DCTN5: variants seen among roughly 807,000 people sequenced by gnomAD.
The protein encoded by DCTN5 is dynactin 4.
A neutral mutation model predicts 23.5 loss-of-function variants in DCTN5; 14 were observed. The ratio of observed to expected loss-of-function variants is 0.60; its 90% CI spans 0.39 to 0.93. DCTN5 has a LOEUF of 0.93. DCTN5 is among the 40% of genes least tolerant of loss of function. The pLI, the probability that DCTN5 is intolerant of heterozygous loss-of-function variation, is 0.00. For missense variants in DCTN5, 156 were observed against 225.9 expected (o/e 0.69, Z 1.98); for synonymous variants, 67 against 79.6 (o/e 0.84, Z 0.84).
At position 23,658,511 on chromosome 16, in the gene DCTN5, T is replaced by C; in HGVS notation, c.122T>C (p.Ile41Thr). The C allele has an allele frequency of 6.2e-7, 1 of 1,612,774 alleles. No homozygotes were observed. Among genetic ancestry groups the C allele is most frequent in the Non-Finnish European group, 8.5e-7 (1 of 1,178,722 alleles). ...SQNIVLNGKTIVMNDCIIRGD... is the reference protein window; with the variant it reads ...SQNIVLNGKTTVMNDCIIRGD... ...AAAATTTGCTTCGTCTTACAGACCATTGTGATGAATGACTGTATTATCCGA... is the reference window on the plus strand; with the variant it reads ...AAAATTTGCTTCGTCTTACAGACCACTGTGATGAATGACTGTATTATCCGA... Residue 41 changes from isoleucine (I) to threonine (T), a missense_variant, in exon 3 of 6, where the codon ATT (isoleucine) becomes ACT (threonine). Physicochemically the swap from Ile to Thr is moderately conservative, Grantham distance 89. This residue lies in a region of DCTN5 where 153 missense variants were observed against 206.8 expected (regional missense o/e 0.74). Transcript: ENST00000300087.
intron 2 of DCTN5, among the ~76,000 whole-genome samples, chr16:23,646,301 C>G (rs761851768): frequency 6.6e-6 from 1 of 152,034 alleles, no homozygotes; most frequent in Non-Finnish European, 1.5e-5. Context: ...TTATTGAGTT[C>G]TAGGAGTTCT....
chr16:23,666,998 T>G, intron 5 of DCTN5, 49 bp from the exon 6 acceptor site: 1 of 1,610,624 alleles, frequency 6.2e-7, no homozygotes, highest in South Asian at 1.1e-5. Flanking sequence ...ATATCTTAAC[T>G]TCTTGTAACT....
chr16:23,655,257 A>G (rs907490317), intron 2 of DCTN5, among the ~76,000 whole-genome samples: 1 of 152,216 alleles, frequency 6.6e-6, no homozygotes, highest in African/African-American at 2.4e-5. Context: ...AAACTCATTT[A>G]CCAGCTTCCA....
chr16:23,666,898 A>C, intron 5 of DCTN5, 149 bp from the exon 6 acceptor site: 2 of 1,289,340 alleles, frequency 1.6e-6, no homozygotes, highest in Non-Finnish European at 2.1e-6. Flanking sequence ...AGCTGTTCTT[A>C]GCAAGCACTG....
intron 2 of DCTN5, among the ~76,000 whole-genome samples, chr16:23,654,591 G>A (rs1967665640): frequency 6.6e-6 from 1 of 152,118 alleles, no homozygotes; most frequent in Non-Finnish European, 1.5e-5. Context: ...ACCTGCATAT[G>A]TACCCCTGAA....
At chr16:23,642,879 A>G in intron 1 of DCTN5, 76 bp from the exon 2 acceptor site, 1 of 1,295,646 alleles carries the variant, frequency 7.7e-7, no homozygotes, top group Admixed American at 1.7e-5. Context: ...CTCAAATGGG[A>G]GCTTTCTTGA....
At chr16:23,651,906 G>C (rs760124876) in intron 2 of DCTN5, among the ~76,000 whole-genome samples, 3 of 152,126 alleles carry the variant, frequency 2.0e-5, no homozygotes, top group Non-Finnish European at 1.5e-5. Context: ...GTGATGGCAT[G>C]CGCCTGTAAT....
intron 2 of DCTN5, chr16:23,651,028 A>T: frequency 7.2e-7 from 1 of 1,397,430 alleles, no homozygotes. Context: ...ATGTTCCACT[A>T]CTCAAATAGT....
chr16:23,644,555 CT>C (rs1197965478), intron 2 of DCTN5, among the ~76,000 whole-genome samples: 6 of 151,778 alleles, frequency 4.0e-5, no homozygotes, highest in African/African-American at 1.5e-4. Flanking sequence ...CTGCCTTGTC[CT>C]CCGAAAGTGC....
chr16:23,657,666 A>G (rs1967733411), intron 2 of DCTN5: 5 of 234,244 alleles, frequency 2.1e-5, no homozygotes, highest in South Asian at 1.8e-4. Context: ...CTGGTCTTGA[A>G]CTCGACCTCA....
intron 2 of DCTN5, among the ~76,000 whole-genome samples, chr16:23,654,155 C>G (rs1365212153): frequency 6.6e-6 from 1 of 152,140 alleles, no homozygotes; most frequent in Admixed American, 6.5e-5. Context: ...ACCATTTGAC[C>G]CAGCAATCCC....
chr16:23,646,184 A>G (rs1255507790), intron 2 of DCTN5, among the ~76,000 whole-genome samples: 1 of 152,116 alleles, frequency 6.6e-6, no homozygotes, highest in Non-Finnish European at 1.5e-5. Context: ...CTTAATGACT[A>G]ATGATATTGA....
Position 23,671,972 on chromosome 16 carries a change from T to G in DCTN5, c.*4828T>G, listed in dbSNP as rs986386958. The G allele has an allele frequency of 2.0e-5, 3 of 152,158 alleles. No individual in the cohort carries two copies. Among genetic ancestry groups the G allele is most frequent in the African/African-American group, 4.8e-5 (2 of 41,402 alleles). 9.4% of individuals were successfully genotyped at this position (152,158 alleles called of 1,614,324 possible). On this transcript the variant is annotated 3_prime_UTR_variant, in exon 6 of 6. Coordinates refer to ENST00000300087, the MANE Select transcript of DCTN5 (RefSeq NM_032486.4). ...CACACCCACTCTGGCTTTCATACCA[T>G]GGGTCTGAACATTAGCCCATGGTGT...
At chr16:23,650,675 C>T (rs779208633) in intron 2 of DCTN5, 172 of 1,321,914 alleles carry the variant, frequency 1.3e-4, no homozygotes, top group Non-Finnish European at 1.8e-4. Context: ...TATCCACCCT[C>T]CTCTTGGTGG....
intron 3 of DCTN5, among the ~76,000 whole-genome samples, chr16:23,660,179 A>G (rs1343068740): frequency 2.0e-5 from 3 of 152,246 alleles, no homozygotes; most frequent in Non-Finnish European, 2.9e-5. Context: ...CAAGAGGTAC[A>G]GACCAAAAAT....
chr16:23,666,638 T>A (rs142385530), intron 5 of DCTN5: 80 of 227,072 alleles, frequency 3.5e-4, no homozygotes, highest in African/African-American at 1.7e-3. Flanking sequence ...GAAAATAATA[T>A]GAACAGAGAG....
In DCTN5 at chr16:23,668,696, T is replaced by C. The variant is rs183134282; in HGVS notation, c.*1552T>C. 6.6e-6 allele frequency: 1 copy of C among 152,364 alleles called. No homozygotes were observed. Among genetic ancestry groups the C allele is most frequent in the Non-Finnish European group, 1.5e-5 (1 of 68,042 alleles). 9.4% of individuals were successfully genotyped at this position (152,364 alleles called of 1,614,324 possible). On this transcript the variant is annotated 3_prime_UTR_variant, in exon 6 of 6. Transcript: ENST00000300087. ...ACAAGCAGACTCAACCAGGCCTCTT[T>C]GTTGGCTTCCTTTCCTCCTGCTGCA...
At chr16:23,666,882 A>G in intron 5 of DCTN5, 165 bp from the exon 6 acceptor site, 3 of 1,114,418 alleles carry the variant, frequency 2.7e-6, no homozygotes, top group Non-Finnish European at 3.7e-6. Context: ...TGCTGTGAAA[A>G]AGTTTAGCTG....
intron 2 of DCTN5, among the ~76,000 whole-genome samples, chr16:23,648,854 A>G (rs1270846827): frequency 7.6e-6 from 1 of 132,012 alleles, no homozygotes; most frequent in Non-Finnish European, 1.6e-5. Flanking sequence ...ATGATTAGTG[A>G]TTTTTTGTTT....
Sources: gnomAD v4.1 joint callset for allele counts (sites outside exome capture counted in the v4.1 genomes callset) on GRCh38, gnomAD v4.1.1 for gene constraint, gnomAD v4.1.1 regional missense constraint, MANE v1.5 for transcripts, NCBI Gene and HGNC (gene_info 2026-07-23, HGNC 2026-07-21) for gene names.